PDE4B: variants seen among roughly 807,000 people sequenced by gnomAD.
The protein encoded by PDE4B is 3',5'-cyclic-AMP phosphodiesterase 4B.
Under a neutral mutation model 82.2 loss-of-function variants are expected in PDE4B, and 20 were observed. The observed-to-expected ratio is 0.24, with a 90% CI of 0.17 to 0.35. PDE4B has a LOEUF of 0.35. PDE4B is among the 10% of genes least tolerant of loss of function. The pLI is 1.00. For missense variants in PDE4B, 655 were observed against 907.2 expected (o/e 0.72, Z 3.57); for synonymous variants, 320 against 318.9 (o/e 1.00, Z -0.04).
intron 3 of PDE4B, among the ~76,000 whole-genome samples, chr1:66,220,483 T>A (rs1477358331): frequency 1.3e-5 from 2 of 152,114 alleles, no homozygotes; most frequent in African/African-American, 4.8e-5. Context: ...CAAAACTGAT[T>A]ATTGAAATTG....
chr1:66,143,112 T>A (rs752708963), intron 3 of PDE4B, among the ~76,000 whole-genome samples: 3 of 152,220 alleles, frequency 2.0e-5, no homozygotes, highest in Non-Finnish European at 4.4e-5. Flanking sequence ...CAGAAGAGCA[T>A]CAGTTTAGTT....
intron 3 of PDE4B, among the ~76,000 whole-genome samples, chr1:66,016,064 T>G (rs1223830835): frequency 6.6e-6 from 1 of 152,198 alleles, no homozygotes; most frequent in Non-Finnish European, 1.5e-5. Context: ...CTTCTAATTA[T>G]TGACTATGTG....
chr1:65,983,486 A>G (rs1166285063), intron 3 of PDE4B, among the ~76,000 whole-genome samples: 1 of 152,170 alleles, frequency 6.6e-6, no homozygotes, highest in African/African-American at 2.4e-5. Context: ...TTTGGAGAAA[A>G]GATCTTTACA....
At chr1:66,270,185 C>T (rs748547426) in intron 7 of PDE4B, among the ~76,000 whole-genome samples, 1 of 152,194 alleles carries the variant, frequency 6.6e-6, no homozygotes, top group Admixed American at 6.5e-5. Context: ...TTTTCAACAC[C>T]AGTCAATTAG....
chr1:66,120,523 T>C (rs535111237), intron 3 of PDE4B, among the ~76,000 whole-genome samples: 2 of 152,298 alleles, frequency 1.3e-5, no homozygotes, highest in East Asian at 1.9e-4. Flanking sequence ...CAACTTGGAC[T>C]CAGTACACAA....
chr1:66,243,463 GTAAA>G (rs1653048883), intron 3 of PDE4B, among the ~76,000 whole-genome samples: 1 of 152,150 alleles, frequency 6.6e-6, no homozygotes, highest in African/African-American at 2.4e-5. Flanking sequence ...TTGGGGAGCA[GTAAA>G]TAAATAGAGA....
chr1:66,163,551 T>C (rs972935495), intron 3 of PDE4B, among the ~76,000 whole-genome samples: 1 of 152,278 alleles, frequency 6.6e-6, no homozygotes, highest in Middle Eastern at 3.4e-3. Context: ...ATTTTTCATA[T>C]TAAAGAATTA....
chr1:66,074,124 G>A (rs892359513), intron 3 of PDE4B, among the ~76,000 whole-genome samples: 3 of 152,124 alleles, frequency 2.0e-5, no homozygotes, highest in African/African-American at 7.2e-5. Flanking sequence ...CTGTGTCAGA[G>A]AAGGTTGTGG....
At chr1:65,958,781 C>T (rs535832829) in intron 3 of PDE4B, among the ~76,000 whole-genome samples, 6 of 152,018 alleles carry the variant, frequency 3.9e-5, no homozygotes, top group Non-Finnish European at 8.8e-5. Flanking sequence ...CATACACACA[C>T]GCAAAATACC....
intron 1 of PDE4B, among the ~76,000 whole-genome samples, chr1:65,910,725 C>T (rs1373120327): frequency 6.6e-6 from 1 of 152,208 alleles, no homozygotes; most frequent in African/African-American, 2.4e-5. Flanking sequence ...CATGGCTACA[C>T]TATGGCCAGC....
chr1:66,336,415 G>T (rs902539539), intron 8 of PDE4B, among the ~76,000 whole-genome samples: 1 of 152,146 alleles, frequency 6.6e-6, no homozygotes, highest in Non-Finnish European at 1.5e-5. Flanking sequence ...CGTCAAAAGG[G>T]TCATTCTTAC....
At chr1:66,104,890 G>T (rs1372640296) in intron 3 of PDE4B, among the ~76,000 whole-genome samples, 2 of 144,738 alleles carry the variant, frequency 1.4e-5, no homozygotes, top group African/African-American at 2.5e-5. Flanking sequence ...TTTGTAGGTT[G>T]CCTGTTCACT....
At chr1:66,318,588 C>T (rs1051319150) in intron 7 of PDE4B, among the ~76,000 whole-genome samples, 4 of 152,176 alleles carry the variant, frequency 2.6e-5, no homozygotes, top group African/African-American at 4.8e-5. Context: ...TGAGTGTTCA[C>T]GTCCTGGCTA....
intron 1 of PDE4B, among the ~76,000 whole-genome samples, chr1:65,842,120 T>C (rs1248463692): frequency 6.6e-6 from 1 of 152,152 alleles, no homozygotes; most frequent in Non-Finnish European, 1.5e-5. Context: ...AAATAGATCA[T>C]TTCTAGGGTA....
intron 3 of PDE4B, among the ~76,000 whole-genome samples, chr1:65,958,845 T>C (rs1044403595): frequency 1.3e-5 from 2 of 152,218 alleles, no homozygotes; most frequent in Non-Finnish European, 2.9e-5. Flanking sequence ...ATATCTGCAG[T>C]AATCTGCAGT....
intron 1 of PDE4B, among the ~76,000 whole-genome samples, chr1:65,876,839 C>G (rs979036659): frequency 1.3e-5 from 2 of 152,022 alleles, no homozygotes; most frequent in African/African-American, 4.8e-5. Flanking sequence ...ATACAACTTA[C>G]AAGGGACGTG....
intron 1 of PDE4B, among the ~76,000 whole-genome samples, chr1:65,818,819 G>A (rs567848519): frequency 4.2e-4 from 64 of 151,984 alleles, no homozygotes; most frequent in African/African-American, 1.4e-3. Context: ...TATTTATTGC[G>A]TTGTTATTTG....
chr1:66,053,802 T>G (rs1483409840), intron 3 of PDE4B, among the ~76,000 whole-genome samples: 1 of 152,110 alleles, frequency 6.6e-6, no homozygotes, highest in Non-Finnish European at 1.5e-5. Flanking sequence ...GAAGTAACAG[T>G]GAGCTGAGAT....
chr1:66,263,064 T>C (rs1424734432), intron 6 of PDE4B, among the ~76,000 whole-genome samples: 2 of 152,234 alleles, frequency 1.3e-5, no homozygotes, highest in African/African-American at 2.4e-5. Flanking sequence ...ATGTGTTGAG[T>C]ACCTCCATCA....
Sources: gnomAD v4.1 joint callset for allele counts (sites outside exome capture counted in the v4.1 genomes callset) on GRCh38, gnomAD v4.1.1 for gene constraint, MANE v1.5 for transcripts, NCBI Gene and HGNC (gene_info 2026-07-23, HGNC 2026-07-21) for gene names.